The following CNTNAP4 variants were observed in gnomAD, a reference collection of about 807,000 sequenced individuals.
The protein encoded by CNTNAP4 is contactin-associated protein-like 4.
CNTNAP4 carries 98 observed loss-of-function variants against 148.4 expected under a neutral mutation model. That is an observed-to-expected ratio of 0.66 (90% CI 0.56 to 0.78). The LOEUF (loss-of-function observed/expected upper bound fraction) is 0.78. Ranked by LOEUF, CNTNAP4 falls within the 30% of genes least tolerant of loss-of-function variation. The pLI, the probability that CNTNAP4 is intolerant of heterozygous loss-of-function variation, is 0.00. For synonymous variants in CNTNAP4, 730 were observed against 565.1 expected (o/e 1.29, Z -4.14); for missense variants, 1,935 against 1,565.6 (o/e 1.24, Z -3.98).
intron 3 of CNTNAP4, among the ~76,000 whole-genome samples, chr16:76,417,474 T>A (rs1380987262): frequency 1.3e-5 from 2 of 151,534 alleles, no homozygotes; most frequent in Admixed American, 6.6e-5. Flanking sequence ...AAACAGAGTA[T>A]TCCTAACTTC....
chr16:76,381,342 C>T (rs892271371), intron 3 of CNTNAP4, among the ~76,000 whole-genome samples: 1 of 152,080 alleles, frequency 6.6e-6, no homozygotes, highest in Non-Finnish European at 1.5e-5. Context: ...TCCCAGTGCC[C>T]CCTCCCACCC....
At chr16:76,455,766 C>T (rs1292205771) in intron 8 of CNTNAP4, among the ~76,000 whole-genome samples, 1 of 152,198 alleles carries the variant, frequency 6.6e-6, no homozygotes, top group Non-Finnish European at 1.5e-5. Flanking sequence ...TTGCCTTTTG[C>T]ACCTTTGCTG....
At chr16:76,395,201 C>T (rs1014662395) in intron 3 of CNTNAP4, among the ~76,000 whole-genome samples, 2 of 151,934 alleles carry the variant, frequency 1.3e-5, no homozygotes, top group African/African-American at 2.4e-5. Flanking sequence ...CTTGAAGCTG[C>T]TTAGAGGGCA....
At chr16:76,368,599 A>G (rs939361178) in intron 3 of CNTNAP4, among the ~76,000 whole-genome samples, 1 of 152,042 alleles carries the variant, frequency 6.6e-6, no homozygotes, top group East Asian at 1.9e-4. Context: ...GCATGTTCTC[A>G]CTCATAAGTG....
intron 4 of CNTNAP4, 147 bp from the exon 5 acceptor site, chr16:76,447,865 A>T (rs1395386135): frequency 3.3e-6 from 2 of 615,006 alleles, no homozygotes; most frequent in Non-Finnish European, 5.8e-6. Flanking sequence ...GTTTATCAGG[A>T]TATAACTCCA....
chr16:76,432,231 G>A (rs1325537279), intron 4 of CNTNAP4, among the ~76,000 whole-genome samples: 2 of 152,128 alleles, frequency 1.3e-5, no homozygotes, highest in East Asian at 1.9e-4. Flanking sequence ...AGTCATAGAT[G>A]CAAGCCTATC....
chr16:76,444,998 G>C (rs1450285460), intron 4 of CNTNAP4, among the ~76,000 whole-genome samples: 11 of 152,110 alleles, frequency 7.2e-5, no homozygotes. Flanking sequence ...CCTACTCTGA[G>C]TACTAAATTA....
intron 1 of CNTNAP4, among the ~76,000 whole-genome samples, chr16:76,297,123 G>A (rs1272939841): frequency 6.6e-6 from 1 of 152,124 alleles, no homozygotes; most frequent in Non-Finnish European, 1.5e-5. Flanking sequence ...TTAGCATTTT[G>A]GACATCAGAA....
chr16:76,283,565 A>G (rs1958770422), intron 1 of CNTNAP4, among the ~76,000 whole-genome samples: 1 of 152,042 alleles, frequency 6.6e-6, no homozygotes, highest in South Asian at 2.1e-4. Flanking sequence ...GGAACAGAAA[A>G]CCAAATACTG....
At chr16:76,434,511 A>G (rs574327736) in intron 4 of CNTNAP4, among the ~76,000 whole-genome samples, 43 of 152,336 alleles carry the variant, frequency 2.8e-4, no homozygotes, top group African/African-American at 7.9e-4. Context: ...TAAGCTTACA[A>G]TAATCCGCTG....
chr16:76,319,597 T>C (rs2144125258), intron 2 of CNTNAP4, among the ~76,000 whole-genome samples: 1 of 152,186 alleles, frequency 6.6e-6, no homozygotes, highest in African/African-American at 2.4e-5. Context: ...GATGAGGCCA[T>C]ACTGGATTAA....
At chr16:76,414,315 T>G (rs960117525) in intron 3 of CNTNAP4, among the ~76,000 whole-genome samples, 6 of 151,478 alleles carry the variant, frequency 4.0e-5, no homozygotes, top group Admixed American at 1.3e-4. Flanking sequence ...CTTAATGTGA[T>G]AAATTACATT....
chr16:76,452,974 C>T (rs1023144583), intron 8 of CNTNAP4, among the ~76,000 whole-genome samples: 4 of 152,150 alleles, frequency 2.6e-5, no homozygotes, highest in Non-Finnish European at 5.9e-5. Context: ...TTCTTATTAA[C>T]CAAAATGATA....
At chr16:76,531,402 T>C (rs1238174416) in intron 17 of CNTNAP4, among the ~76,000 whole-genome samples, 1 of 152,112 alleles carries the variant, frequency 6.6e-6, no homozygotes, top group East Asian at 1.9e-4. Context: ...CCAGAGAAAT[T>C]ATTCAGATGC....
chr16:76,360,505 C>G (rs2013277173), intron 3 of CNTNAP4, among the ~76,000 whole-genome samples: 1 of 152,188 alleles, frequency 6.6e-6, no homozygotes, highest in Admixed American at 6.5e-5. Context: ...AGCCCTTATT[C>G]TCTTGACCTA....
intron 1 of CNTNAP4, among the ~76,000 whole-genome samples, chr16:76,303,980 T>A (rs1960236781): frequency 6.6e-6 from 1 of 152,112 alleles, no homozygotes; most frequent in Non-Finnish European, 1.5e-5. Flanking sequence ...ACAAAACTTT[T>A]ATTCAGTTCA....
chr16:76,292,262 C>T (rs1163371062), intron 1 of CNTNAP4, among the ~76,000 whole-genome samples: 1 of 152,122 alleles, frequency 6.6e-6, no homozygotes, highest in African/African-American at 2.4e-5. Context: ...TCCTTGCACC[C>T]CTCCCCTTCC....
chr16:76,338,871 G>T (rs1157236250), intron 2 of CNTNAP4, among the ~76,000 whole-genome samples: 2 of 152,182 alleles, frequency 1.3e-5, no homozygotes. Context: ...AATTAGGACA[G>T]TGAAGCCCTT....
rs368831955 is a variant in CNTNAP4, at chr16:76,550,245, T to G, written c.3443-3038T>G. Among the ~76,000 whole-genome samples the G allele has an allele frequency of 4.5e-3, 686 of 152,312 alleles. 6 individuals carry two copies. The highest frequency in any genetic ancestry group is 0.015 in the African/African-American group (638 of 41,572). The stretch of plus-strand genomic sequence containing the variant: ...TCATAGTATTATCAGTCTTTAAAAT[T>G]CTCATTTAGTTTTTGTTTCTATGTT... On this transcript the variant is annotated intron_variant, in intron 21 of 23. Coordinates refer to ENST00000611870, the MANE Select transcript of CNTNAP4 (RefSeq NM_033401.5).
Sources: gnomAD v4.1 joint callset for allele counts (sites outside exome capture counted in the v4.1 genomes callset) on GRCh38, gnomAD v4.1.1 for gene constraint, MANE v1.5 for transcripts, NCBI Gene and HGNC (gene_info 2026-07-23, HGNC 2026-07-21) for gene names.